DRAXIN: variants seen among roughly 807,000 people sequenced by gnomAD.
DRAXIN encodes the protein dorsal repulsive axon guidance protein.
Under a neutral mutation model 33.9 loss-of-function variants are expected in DRAXIN, and 27 were observed. The observed-to-expected ratio is 0.80, with a 90% CI of 0.59 to 1.10. The LOEUF (loss-of-function observed/expected upper bound fraction) is 1.10, where lower values mean the gene tolerates loss of function less well. Among genes scored for constraint, DRAXIN ranks in the 50% least tolerant of loss-of-function variants. The pLI is 0.00. For synonymous variants in DRAXIN, 178 were observed against 194.0 expected (o/e 0.92, Z 0.69); for missense variants, 371 against 460.8 (o/e 0.81, Z 1.78).
Position 11,719,775 on chromosome 1 carries a change from C to A in DRAXIN, c.*79C>A. 7.9e-7 allele frequency: 1 copy of A among 1,264,920 alleles called. No homozygotes were observed. Among genetic ancestry groups the A allele is most frequent in the African/African-American group, 1.5e-5 (1 of 67,714 alleles). 78.4% of individuals were successfully genotyped at this position (1,264,920 alleles called of 1,614,324 possible). ...TTGTTTGTAACTAGCAGTGGGAGATCAAGTTGGGGAACAGATGGCTGAGGC... is the reference window on the plus strand; with the variant it reads ...TTGTTTGTAACTAGCAGTGGGAGATAAAGTTGGGGAACAGATGGCTGAGGC... On this transcript the variant is annotated 3_prime_UTR_variant, in exon 7 of 7. Transcript: ENST00000294485.
At chr1:11,701,965 A>T (rs549997516) in intron 1 of DRAXIN, among the ~76,000 whole-genome samples, 45 of 152,010 alleles carry the variant, frequency 3.0e-4, no homozygotes, top group South Asian at 2.9e-3. Flanking sequence ...GGGCTTGGAG[A>T]GAGGGGCCCG....
intron 3 of DRAXIN, among the ~76,000 whole-genome samples, chr1:11,711,486 G>C (rs1641494081): frequency 6.6e-6 from 1 of 152,242 alleles, no homozygotes; most frequent in Admixed American, 6.5e-5. Context: ...GGAAAGTCCA[G>C]TGAGTGGCTG....
In DRAXIN at chr1:11,719,644, G is replaced by A. The variant is rs748422750; in HGVS notation, c.998G>A (p.Cys333Tyr). 6.2e-7 allele frequency: 1 copy of A among 1,614,156 alleles called. No individual in the cohort carries two copies. The highest frequency in any genetic ancestry group is 1.7e-5 in the Admixed American group (1 of 60,026). Residue 333 changes from cysteine to tyrosine, a missense_variant, in exon 7 of 7, where the codon TGT becomes TAT. Transcript: ENST00000294485. ...NRRVTRRKGR[C>Y]VEPETANGDQ... is the part of the protein sequence containing the mutation. ...AGGGTTACACGGAGGAAAGGGCGCTGTGTGGAGCCCGAGACGGCCAACGGC... is the reference window on the plus strand; with the variant it reads ...AGGGTTACACGGAGGAAAGGGCGCTATGTGGAGCCCGAGACGGCCAACGGC...
At chr1:11,699,831 G>T (rs2100731965) in intron 1 of DRAXIN, among the ~76,000 whole-genome samples, 1 of 152,222 alleles carries the variant, frequency 6.6e-6, no homozygotes, top group Non-Finnish European at 1.5e-5. Context: ...GGAGGCTAAG[G>T]CAGGAGAATC....
chr1:11,719,943 C>G lies in DRAXIN; in HGVS notation c.*247C>G. The G allele has an allele frequency of 2.0e-6, 1 of 489,338 alleles. No homozygotes were observed. Among genetic ancestry groups the G allele is most frequent in the East Asian group, 3.4e-5 (1 of 29,776 alleles). 30.3% of individuals were successfully genotyped at this position (489,338 alleles called of 1,614,324 possible). ...GCCTCCATCCCGCGTGTCTTGCTCT[C>G]CGCGATGGCAATGCCGAGAGTGCCC... is the stretch of plus-strand genomic sequence containing the variant. On this transcript the variant is annotated 3_prime_UTR_variant, in exon 7 of 7. Transcript: ENST00000294485.
chr1:11,716,403 T>C (rs1194421183), intron 6 of DRAXIN, among the ~76,000 whole-genome samples: 1 of 152,190 alleles, frequency 6.6e-6, no homozygotes, highest in Non-Finnish European at 1.5e-5. Context: ...AGTACTCTTT[T>C]AAAAACAAAA....
intron 1 of DRAXIN, among the ~76,000 whole-genome samples, chr1:11,697,696 C>T (rs867092524): frequency 9.2e-5 from 14 of 151,952 alleles, no homozygotes; most frequent in African/African-American, 3.4e-4. Context: ...CAGAGGGGCT[C>T]AGCTAGTGGC....
rs1641650378 is a variant in DRAXIN at position 11,720,833 on chromosome 1, T to G, written c.*1137T>G. 6.6e-6 allele frequency: 1 copy of G among 152,232 alleles called. No homozygotes were observed. Among genetic ancestry groups the G allele is most frequent in the Admixed American group, 6.5e-5 (1 of 15,284 alleles). 9.4% of individuals were successfully genotyped at this position (152,232 alleles called of 1,614,324 possible). ...CTTTTGGCAAGAGAGGCTCACACCC[T>G]GGTATTCCCTTCCTCTGTGGCTGGA... On this transcript the variant is annotated 3_prime_UTR_variant, in exon 7 of 7. Coordinates refer to ENST00000294485, the MANE Select transcript of DRAXIN (RefSeq NM_198545.4).
Position 11,692,329 on chromosome 1 carries a change from C to T in DRAXIN, c.-11+476C>T, listed in dbSNP as rs1019359502. Reference sequence around the variant, plus strand: ...CTTCGAAGACTCCCTGAGCCCCGGGCAGAGCTGGCGGGCGTGCCCTCCAGC... The same window carrying T: ...CTTCGAAGACTCCCTGAGCCCCGGGTAGAGCTGGCGGGCGTGCCCTCCAGC... On this transcript the variant is annotated intron_variant, in intron 1 of 6. Transcript: ENST00000294485. The surrounding 1 kb of genome is among the most constrained non-coding windows in gnomAD (Gnocchi z 5.8). 5.3e-5 allele frequency among the ~76,000 whole-genome samples: 8 copies of T among 152,306 alleles called. No individual in the cohort carries two copies. Among genetic ancestry groups the T allele is most frequent in the East Asian group, 1.9e-4 (1 of 5,174 alleles).
At chr1:11,712,285 T>A in intron 4 of DRAXIN, 55 bp from the exon 5 acceptor site, 1 of 1,604,522 alleles carries the variant, frequency 6.2e-7, no homozygotes, top group Non-Finnish European at 8.5e-7. Context: ...GTCCCTGTGC[T>A]TAACCTCTGC....
upstream of DRAXIN, among the ~76,000 whole-genome samples, chr1:11,689,743 A>G (rs1230846171): frequency 6.6e-6 from 1 of 152,084 alleles, no homozygotes; most frequent in Non-Finnish European, 1.5e-5. Flanking sequence ...TTATTCCTCT[A>G]CTGTCTTAAT....
intron 2 of DRAXIN, 78 bp from the exon 3 acceptor site, chr1:11,709,197 T>C: frequency 4.9e-6 from 7 of 1,432,562 alleles, no homozygotes; most frequent in Non-Finnish European, 6.5e-6. Context: ...GTTTGCAGCA[T>C]AAAACGTGGG....
chr1:11,699,997 G>A (rs141117821), intron 1 of DRAXIN, among the ~76,000 whole-genome samples: 4,253 of 151,498 alleles, frequency 0.028, 171 homozygotes, highest in African/African-American at 0.097. Context: ...CCAGCACTTT[G>A]GGAGGCCAAG....
rs759808360 is a variant in DRAXIN at position 11,717,251 on chromosome 1, C to G, written c.937+2043C>G. On this transcript the variant is annotated intron_variant, in intron 6 of 6. Coordinates refer to ENST00000294485, the MANE Select transcript of DRAXIN (RefSeq NM_198545.4). ...TGAGCCGAGATCCTGCCATTGCACT[C>G]CAGCCTGGGTGACTGAGTGAGACTC... Among the ~76,000 whole-genome samples the G allele has an allele frequency of 2.0e-5, 3 of 151,968 alleles. No homozygotes were observed. The South Asian group carries it at 6.3e-4, about 32-fold the overall frequency.
intron 3 of DRAXIN, among the ~76,000 whole-genome samples, chr1:11,710,704 G>A (rs1230309683): frequency 6.8e-6 from 1 of 147,794 alleles, no homozygotes; most frequent in Admixed American, 6.8e-5. Context: ...CACAAGGTCA[G>A]GAAATCGAGA....
chr1:11,712,884 CAA>C (rs1641517769), intron 5 of DRAXIN, among the ~76,000 whole-genome samples: 2 of 137,936 alleles, frequency 1.4e-5, no homozygotes, highest in African/African-American at 5.5e-5. Flanking sequence ...GCCTGGGCGA[CAA>C]GAGGGAAACT....
intron 1 of DRAXIN, among the ~76,000 whole-genome samples, chr1:11,699,404 C>A (rs1052126617): frequency 6.6e-6 from 1 of 152,128 alleles, no homozygotes; most frequent in Non-Finnish European, 1.5e-5. Context: ...TACTTGCGAT[C>A]AGACTAACTC....
At chr1:11,688,979 ACGTTAC>A (rs1641010794), upstream of DRAXIN, among the ~76,000 whole-genome samples, 1 of 152,144 alleles carries the variant, frequency 6.6e-6, no homozygotes, top group South Asian at 2.1e-4. The surrounding 1 kb of genome is among the most constrained non-coding windows in gnomAD (Gnocchi z 4.6). Flanking sequence ...CAACATCAGG[ACGTTAC>A]CCTATATGGT....
In DRAXIN at chr1:11,723,249, C is replaced by A. The variant is rs1641682345; in HGVS notation, c.*3553C>A. On this transcript the variant is annotated 3_prime_UTR_variant, in exon 7 of 7. Coordinates refer to ENST00000294485, the MANE Select transcript of DRAXIN (RefSeq NM_198545.4). ...GGCCTGAGGGTCACGGTTTGCCAACCCCTGCTCAAGCCTGCTCACTCTCAA... is the reference window on the plus strand; with the variant it reads ...GGCCTGAGGGTCACGGTTTGCCAACACCTGCTCAAGCCTGCTCACTCTCAA... 6.6e-6 allele frequency: 1 copy of A among 152,228 alleles called. No homozygotes were observed. Among genetic ancestry groups the A allele is most frequent in the Admixed American group, 6.5e-5 (1 of 15,282 alleles). The allele number at this position is 152,228 out of a possible 1,614,324, so 9.4% of individuals were successfully genotyped here. A position where few individuals can be genotyped will look rare whatever the true frequency, so the allele number is the denominator to read the frequency against.
Sources: gnomAD v4.1 joint callset for allele counts (sites outside exome capture counted in the v4.1 genomes callset) on GRCh38, gnomAD v4.1.1 for gene constraint, Gnocchi (gnomAD v3.1) non-coding constraint, MANE v1.5 for transcripts, NCBI Gene and HGNC (gene_info 2026-07-23, HGNC 2026-07-21) for gene names.